NRXN1: variants seen among roughly 807,000 people sequenced by gnomAD.
The protein encoded by NRXN1 is neurexin-1.
A neutral mutation model predicts 150.9 loss-of-function variants in NRXN1; 39 were observed. The ratio of observed to expected loss-of-function variants is 0.26; its 90% CI spans 0.20 to 0.34. The LOEUF is 0.34. NRXN1 is among the 10% of genes least tolerant of loss of function. The pLI is 1.00. For missense variants in NRXN1, 1,815 were observed against 1,949.9 expected (o/e 0.93, Z 1.30); for synonymous variants, 924 against 757.0 (o/e 1.22, Z -3.62).
At chr2:50,647,111 G>A (rs892907897) in intron 5 of NRXN1, among the ~76,000 whole-genome samples, 5 of 151,304 alleles carry the variant, frequency 3.3e-5, no homozygotes, top group African/African-American at 9.7e-5. Context: ...ATAATTACCC[G>A]CTGAACAAAC....
chr2:50,529,155 G>T (rs570276682), intron 11 of NRXN1, among the ~76,000 whole-genome samples: 136 of 152,264 alleles, frequency 8.9e-4, no homozygotes, highest in African/African-American at 3.1e-3. Context: ...TACCCTAAGG[G>T]TTTTTGTTTT....
At chr2:50,870,713 C>G (rs528182687) in intron 5 of NRXN1, among the ~76,000 whole-genome samples, 18 of 152,008 alleles carry the variant, frequency 1.2e-4, no homozygotes, top group South Asian at 6.2e-4. Flanking sequence ...TTTCCCCTTT[C>G]CTGGACTTCC....
chr2:50,958,938 T>C (rs1692709189), intron 2 of NRXN1, among the ~76,000 whole-genome samples: 1 of 152,136 alleles, frequency 6.6e-6, no homozygotes, highest in Non-Finnish European at 1.5e-5. Flanking sequence ...GCATTCTACA[T>C]CCTACTTAAT....
At chr2:50,722,118 C>T (rs1696739288) in intron 5 of NRXN1, among the ~76,000 whole-genome samples, 1 of 152,074 alleles carries the variant, frequency 6.6e-6, no homozygotes, top group South Asian at 2.1e-4. Context: ...TAGACTCTAT[C>T]AATCTTTTGC....
intron 17 of NRXN1, among the ~76,000 whole-genome samples, chr2:50,298,379 G>C (rs1264952190): frequency 6.6e-6 from 1 of 152,148 alleles, no homozygotes; most frequent in African/African-American, 2.4e-5. Context: ...TGATGCCTCA[G>C]TTTGATGACA....
intron 5 of NRXN1, chr2:50,841,292 T>C (rs1390378405): frequency 2.0e-5 from 3 of 152,522 alleles, no homozygotes; most frequent in East Asian, 3.9e-4. Flanking sequence ...AGCTTTATTG[T>C]TGAAGGAATT....
At chr2:50,289,460 C>T (rs1039993291) in intron 17 of NRXN1, among the ~76,000 whole-genome samples, 1 of 152,106 alleles carries the variant, frequency 6.6e-6, no homozygotes, top group African/African-American at 2.4e-5. Context: ...CACTTATTCA[C>T]TGCCTTTTCA....
At chr2:50,556,980 C>T (rs1668350211) in intron 8 of NRXN1, among the ~76,000 whole-genome samples, 1 of 152,156 alleles carries the variant, frequency 6.6e-6, no homozygotes, top group Non-Finnish European at 1.5e-5. Context: ...TTCCTGACCC[C>T]TTTCTGGCTT....
chr2:50,653,273 C>T (rs142281611), intron 5 of NRXN1, among the ~76,000 whole-genome samples: 578 of 152,094 alleles, frequency 3.8e-3, no homozygotes, highest in Non-Finnish European at 6.6e-3. Context: ...GTTCAGAATG[C>T]TCCACTCTAC....
At chr2:50,419,798 T>C (rs1196787140) in intron 17 of NRXN1, among the ~76,000 whole-genome samples, 3 of 152,106 alleles carry the variant, frequency 2.0e-5, no homozygotes, top group Non-Finnish European at 2.9e-5. Context: ...TCCCATTATA[T>C]GCTTTTATGA....
intron 15 of NRXN1, among the ~76,000 whole-genome samples, chr2:50,495,098 T>A (rs1429247506): frequency 6.6e-6 from 1 of 152,134 alleles, no homozygotes; most frequent in Non-Finnish European, 1.5e-5. Context: ...CCTCCGATTT[T>A]CTACATTGAG....
intron 17 of NRXN1, among the ~76,000 whole-genome samples, chr2:50,405,134 T>C (rs77767525): frequency 0.013 from 1,982 of 152,252 alleles, 40 homozygotes; most frequent in African/African-American, 0.045. Flanking sequence ...TCAAAGTCAA[T>C]ATATCTGGAC....
chr2:50,624,994 G>A (rs1459937261), intron 5 of NRXN1: 1 of 151,918 alleles, frequency 6.6e-6, no homozygotes, highest in Non-Finnish European at 1.5e-5. Flanking sequence ...GAGACAGCAT[G>A]GTTGGGAATC....
At chr2:50,323,486 G>A (rs189017568) in intron 17 of NRXN1, among the ~76,000 whole-genome samples, 1 of 152,006 alleles carries the variant, frequency 6.6e-6, no homozygotes, top group African/African-American at 2.4e-5. Flanking sequence ...ATTTCTGAAT[G>A]AAAGAATGCA....
In NRXN1 at chr2:50,334,202, T is replaced by A. The variant is rs547304093; in HGVS notation, c.3365-97232A>T. 1.8e-3 allele frequency among the ~76,000 whole-genome samples: 249 copies of A among 140,788 alleles called. 11 individuals are homozygous for A. Among genetic ancestry groups the A allele is most frequent in the Non-Finnish European group, 2.6e-3 (171 of 66,562 alleles). The allele number at this position is 140,788 out of a possible 152,430, so 92.4% of individuals were successfully genotyped here. ...TTAAGACCAGGACCAAATATATATATATATATATATGTATGTAGATATTGT... is the reference window on the plus strand; with the variant it reads ...TTAAGACCAGGACCAAATATATATAAATATATATATGTATGTAGATATTGT... On this transcript the variant is annotated intron_variant, in intron 17 of 22. Transcript: ENST00000401669.
intron 17 of NRXN1, among the ~76,000 whole-genome samples, chr2:50,305,949 T>C (rs539439048): frequency 2.2e-4 from 34 of 152,314 alleles, no homozygotes; most frequent in African/African-American, 7.0e-4. Context: ...CCTTATTTTT[T>C]CTTGGCTGAA....
chr2:51,010,959 GT>G (rs1227241780), intron 2 of NRXN1, among the ~76,000 whole-genome samples: 2 of 151,880 alleles, frequency 1.3e-5, no homozygotes, highest in Non-Finnish European at 2.9e-5. Context: ...TTTTAAAAAT[GT>G]TTTTGTATCG....
chr2:50,535,575 A>T (rs1417028292), intron 10 of NRXN1, among the ~76,000 whole-genome samples: 1 of 152,228 alleles, frequency 6.6e-6, no homozygotes, highest in Non-Finnish European at 1.5e-5. Flanking sequence ...TAACAGAATA[A>T]TTTTTATATG....
intron 17 of NRXN1, among the ~76,000 whole-genome samples, chr2:50,336,623 G>A (rs1352619665): frequency 6.6e-6 from 1 of 152,146 alleles, no homozygotes; most frequent in Non-Finnish European, 1.5e-5. Flanking sequence ...AATCATGACT[G>A]CGCTTGCAAA....
Sources: allele counts gnomAD v4.1 joint callset (sites outside exome capture counted in the v4.1 genomes callset), GRCh38; gene constraint gnomAD v4.1.1; transcripts MANE v1.5; gene names NCBI Gene and HGNC (gene_info 2026-07-23, HGNC 2026-07-21).